The following EXOC3L2 variants were observed in gnomAD, a reference collection of about 807,000 sequenced individuals.
EXOC3L2 encodes exocyst complex component 3 like 2.
EXOC3L2 carries 17 observed loss-of-function variants against 44.4 expected under a neutral mutation model. The ratio of observed to expected loss-of-function variants is 0.38; its 90% CI spans 0.26 to 0.57. The LOEUF (loss-of-function observed/expected upper bound fraction) is 0.57, where lower values mean the gene tolerates loss of function less well. Among genes scored for constraint, EXOC3L2 ranks in the 20% least tolerant of loss-of-function variants. The pLI is 0.65. For synonymous variants in EXOC3L2, 256 were observed against 253.7 expected (o/e 1.01, Z -0.09); for missense variants, 541 against 588.4 (o/e 0.92, Z 0.83).
At chr19:45,227,002 C>T (rs1969970207) in intron 7 of EXOC3L2, among the ~76,000 whole-genome samples, 2 of 150,840 alleles carry the variant, frequency 1.3e-5, no homozygotes, top group Admixed American at 1.3e-4. Flanking sequence ...ATCTACCCGC[C>T]TCGGCCTCCC....
chr19:45,231,884 G>A lies in EXOC3L2; in HGVS notation c.1158-10C>T. 6.4e-7 allele frequency: 1 copy of A among 1,568,412 alleles called. No individual in the cohort carries two copies. On this transcript the variant is annotated splice_polypyrimidine_tract_variant and intron_variant, in intron 3 of 11. Transcript: ENST00000413988. Reference sequence around the variant, plus strand: ...CAGCCCTAGGACCTCTCTGGGGATGGGGGTGAGAGAAAAGGAGGTCTGTGA... The same window carrying A: ...CAGCCCTAGGACCTCTCTGGGGATGAGGGTGAGAGAAAAGGAGGTCTGTGA...
chr19:45,222,094 CACAA>C (rs1158903881), intron 8 of EXOC3L2, among the ~76,000 whole-genome samples: 7 of 152,044 alleles, frequency 4.6e-5, no homozygotes, highest in African/African-American at 1.7e-4. Context: ...CACACACACA[CACAA>C]ACACTCCCTC....
At chr19:45,236,910 C>T (rs533237157) in intron 2 of EXOC3L2, among the ~76,000 whole-genome samples, 2 of 150,982 alleles carry the variant, frequency 1.3e-5, no homozygotes, top group African/African-American at 2.4e-5. Flanking sequence ...GAGGTTGAGA[C>T]AGGAGAATCG....
At position 45,224,779 on chromosome 19, in the gene EXOC3L2, T is replaced by C; in HGVS notation, c.1718A>G (p.Gln573Arg). ...ACCCTGGCCTCCCACCTCACTCACC[T>C]GCAGCTCCTGGAACAGCAGGTTGGC... Reference protein sequence around the residue: ...VVANLLFQELQPHFNKLMRRK... With the variant: ...VVANLLFQELRPHFNKLMRRK... The change falls in exon 8 of 12, where the codon CAG becomes CGG. Residue 573 changes from glutamine (Q) to arginine (R), a missense_variant and splice_region_variant. By Grantham distance (43) the Gln-to-Arg change is conservative. Coordinates refer to ENST00000413988, the MANE Select transcript of EXOC3L2 (RefSeq NM_001382422.1). 6.4e-7 allele frequency: 1 copy of C among 1,552,628 alleles called. No individual in the cohort carries two copies. The highest frequency in any genetic ancestry group is 8.7e-7 in the Non-Finnish European group (1 of 1,147,632).
At chr19:45,232,874 T>A (rs1410539750) in intron 3 of EXOC3L2, among the ~76,000 whole-genome samples, 2 of 152,018 alleles carry the variant, frequency 1.3e-5, no homozygotes, top group Non-Finnish European at 2.9e-5. Flanking sequence ...GGTCAGGAGT[T>A]CGACACCAGC....
Position 45,213,068 on chromosome 19 carries a change from C to T in EXOC3L2, c.*1G>A, listed in dbSNP as rs749472952. 2 of 1,485,216 alleles carry T rather than the reference C, an allele frequency of 1.3e-6. No individual in the cohort carries two copies. The highest frequency in any genetic ancestry group is 5.3e-5 in the Admixed American group (2 of 37,944). The allele number at this position is 1,485,216 out of a possible 1,614,324, so 92.0% of individuals were successfully genotyped here. A position where few individuals can be genotyped will look rare whatever the true frequency, so the allele number is the denominator to read the frequency against. On this transcript the variant is annotated 3_prime_UTR_variant, in exon 12 of 12. Transcript: ENST00000413988. ...CACTAAGGCCGGCGGTTGGGTGACCCTCAGCGCTGGGCCCGAGGTCGCGCT... is the reference window on the plus strand; with the variant it reads ...CACTAAGGCCGGCGGTTGGGTGACCTTCAGCGCTGGGCCCGAGGTCGCGCT...
intron 8 of EXOC3L2, among the ~76,000 whole-genome samples, chr19:45,221,657 T>C (rs1969899632): frequency 6.7e-6 from 1 of 149,604 alleles, no homozygotes; most frequent in Non-Finnish European, 1.5e-5. Context: ...TTTTTTTTTT[T>C]TTTTTTTTGA....
Position 45,218,333 on chromosome 19 carries a change from A to G in EXOC3L2, c.1720-14T>C. On this transcript the variant is annotated splice_polypyrimidine_tract_variant and intron_variant, in intron 8 of 11. Transcript: ENST00000413988. ...GTTGAAGTGTGGCTGGCAGGGACAGAGTAGGGGGTCACGCTCTCCTCCCTC... is the reference window on the plus strand; with the variant it reads ...GTTGAAGTGTGGCTGGCAGGGACAGGGTAGGGGGTCACGCTCTCCTCCCTC... The G allele has an allele frequency of 6.3e-7, 1 of 1,587,180 alleles. No homozygotes were observed. Among genetic ancestry groups the G allele is most frequent in the East Asian group, 2.3e-5 (1 of 44,314 alleles).
intron 7 of EXOC3L2, among the ~76,000 whole-genome samples, chr19:45,225,572 C>T (rs1474188445): frequency 1.4e-5 from 2 of 146,960 alleles, no homozygotes; most frequent in Non-Finnish European, 3.0e-5. Flanking sequence ...CCGGCCAAGT[C>T]TGGGGTTCTA....
intron 1 of EXOC3L2, among the ~76,000 whole-genome samples, chr19:45,244,871 G>A (rs973501481): frequency 6.6e-6 from 1 of 151,698 alleles, no homozygotes; most frequent in Non-Finnish European, 1.5e-5. Context: ...ACCACTGCAA[G>A]CTCATCCACA....
intron 8 of EXOC3L2, among the ~76,000 whole-genome samples, chr19:45,221,452 T>C (rs1969897245): frequency 6.6e-6 from 1 of 151,918 alleles, no homozygotes; most frequent in Non-Finnish European, 1.5e-5. Context: ...CCCAGTCAAG[T>C]GATTCTCCTG....
At chr19:45,220,469 C>CA (rs1174276882) in intron 8 of EXOC3L2, among the ~76,000 whole-genome samples, 3 of 151,772 alleles carry the variant, frequency 2.0e-5, no homozygotes, top group African/African-American at 4.8e-5. Flanking sequence ...GATTCTATCT[C>CA]AAAAAAACAA....
rs1438968753 is a variant in EXOC3L2 at position 45,213,252 on chromosome 19, T to C, written c.2226A>G (p.Gly742=). 1 of 1,612,994 alleles carries C rather than the reference T, an allele frequency of 6.2e-7. No individual in the cohort carries two copies. Among genetic ancestry groups the C allele is most frequent in the Admixed American group, 1.7e-5 (1 of 59,846 alleles). The stretch of plus-strand genomic sequence containing the variant: ...CACGGTCCCGAGGGGGTGACAGGGC[T>C]CCCTCCTCAGAGAGTTCCAGGTCCC... ...VARDLELSEE[G]ALSPPRDRAF... Residue 742 remains glycine (G), a synonymous_variant, in exon 12 of 12, where the codon GGA becomes GGG. Coordinates refer to ENST00000413988, the MANE Select transcript of EXOC3L2 (RefSeq NM_001382422.1).
intron 8 of EXOC3L2, among the ~76,000 whole-genome samples, chr19:45,219,161 C>T (rs536366438): frequency 2.0e-5 from 3 of 151,200 alleles, no homozygotes; most frequent in South Asian, 2.1e-4. Context: ...TGCAGTGAGC[C>T]GAGATCACAC....
In EXOC3L2 at chr19:45,213,339, G is replaced by A. The variant is rs1599758831; in HGVS notation, c.2139C>T (p.Ala713=). The part of the protein sequence containing the change: ...YPDIRQKHVA[A]LLDIRGLRNT... The stretch of plus-strand genomic sequence containing the variant: ...TGCGCAGGCCACGGATGTCGAGGAG[G>A]GCTGCCACGTGCTTCTGCCTGTGGG... Residue 713 remains alanine, a synonymous_variant, in exon 12 of 12, where the codon GCC becomes GCT. Coordinates refer to ENST00000413988, the MANE Select transcript of EXOC3L2 (RefSeq NM_001382422.1). The A allele has an allele frequency of 6.2e-7, 1 of 1,613,478 alleles. No individual in the cohort carries two copies. Among genetic ancestry groups the A allele is most frequent in the South Asian group, 1.1e-5 (1 of 91,024 alleles).
intron 3 of EXOC3L2, among the ~76,000 whole-genome samples, chr19:45,233,545 T>G (rs1970051625): frequency 1.3e-5 from 2 of 151,982 alleles, no homozygotes; most frequent in Admixed American, 1.3e-4. Context: ...CAGCTAAGAT[T>G]CTAGTAGCGT....
Position 45,242,269 on chromosome 19 carries a change from TG to T in EXOC3L2, c.-17+3071del, listed in dbSNP as rs1970136886. Reference sequence around the variant, plus strand: ...CTCTCTTAGTTCAGGTTTTTGTTGTTGCTTTTGTCTTTAGAGACAGGATCTC... The same window carrying T: ...CTCTCTTAGTTCAGGTTTTTGTTGTTCTTTTGTCTTTAGAGACAGGATCTC... On this transcript the variant is annotated intron_variant, in intron 1 of 11. Transcript: ENST00000413988. Among the ~76,000 whole-genome samples the T allele has an allele frequency of 2.0e-5, 3 of 152,188 alleles. No homozygotes were observed. In the South Asian group the frequency reaches 6.2e-4, roughly 32 times the overall value.
chr19:45,233,563 A>T (rs1970052016), intron 3 of EXOC3L2, among the ~76,000 whole-genome samples: 1 of 152,134 alleles, frequency 6.6e-6, no homozygotes, highest in South Asian at 2.1e-4. Context: ...CGTAAGTGTC[A>T]TGAAGCCCAG....
In EXOC3L2 at chr19:45,227,673, G is replaced by A. The variant is rs1384600437; in HGVS notation, c.1572C>T (p.Gly524=). The A allele has an allele frequency of 1.1e-5, 18 of 1,611,114 alleles. No individual in the cohort carries two copies. The highest frequency in any genetic ancestry group is 4.5e-5 in the East Asian group (2 of 44,828). The change falls in exon 7 of 12, where the codon GGC becomes GGT. Residue 524 remains glycine (G), a synonymous_variant. Coordinates refer to ENST00000413988, the MANE Select transcript of EXOC3L2 (RefSeq NM_001382422.1). ...ISKTIALVNC[G]PPLRALAERL... ...ATGGATGCCCTCACCTCAGTGGGGG[G>A]CCGCAGTTGACCAGGGCGATGGTCT...
Sources: gnomAD v4.1 joint callset for allele counts (sites outside exome capture counted in the v4.1 genomes callset) on GRCh38, gnomAD v4.1.1 for gene constraint, MANE v1.5 for transcripts, NCBI Gene and HGNC (gene_info 2026-07-23, HGNC 2026-07-21) for gene names.